The following NELL1 variants were observed in gnomAD, a reference collection of about 807,000 sequenced individuals.
NELL1 encodes the protein protein kinase C-binding protein NELL1.
In NELL1, 76 loss-of-function variants were observed where a neutral mutation model predicts 107.4. That is an observed-to-expected ratio of 0.71 (90% confidence interval 0.59 to 0.86). The LOEUF (loss-of-function observed/expected upper bound fraction) is 0.86, where lower values mean the gene tolerates loss of function less well. Ranked by LOEUF, NELL1 falls within the 40% of genes least tolerant of loss-of-function variation. The probability of loss-of-function intolerance (pLI) is 0.00; values close to 1 mark genes in which losing one functional copy is unlikely to be tolerated. For synonymous variants in NELL1, 353 were observed against 341.2 expected (o/e 1.03, Z -0.38); for missense variants, 1,024 against 1,005.5 (o/e 1.02, Z -0.25).
At chr11:21,272,238 G>A (rs1468832120) in intron 14 of NELL1, among the ~76,000 whole-genome samples, 1 of 152,276 alleles carries the variant, frequency 6.6e-6, no homozygotes, top group African/African-American at 2.4e-5. Flanking sequence ...TTAGCAAATG[G>A]CACACCAGGA....
chr11:21,002,405 G>T (rs1852243099), intron 12 of NELL1, among the ~76,000 whole-genome samples: 1 of 131,724 alleles, frequency 7.6e-6, no homozygotes, highest in South Asian at 2.4e-4. Context: ...CTGTTAGTGG[G>T]GTTGGGCTTG....
At chr11:20,918,340 T>A in intron 6 of NELL1, 86 bp downstream of exon 6, 1 of 796,752 alleles carries the variant, frequency 1.3e-6, no homozygotes, top group Middle Eastern at 2.5e-4. Context: ...AGACCCAAAT[T>A]GTTTACAGTG....
At chr11:21,123,334 CGT>C (rs142012176) in intron 13 of NELL1, among the ~76,000 whole-genome samples, 14,571 of 132,216 alleles carry the variant, frequency 0.11, 905 homozygotes, top group African/African-American at 0.19. Context: ...TGTGTGCCTG[CGT>C]GTGTGTGTGT....
In NELL1 at chr11:21,464,792, C is replaced by G. The variant is rs371086156; in HGVS notation, c.1646-69582C>G. ...CTGAAATTCATTATTAGTCACCATA[C>G]TCTTTTAGTGATGAGATCACATTAG... On this transcript the variant is annotated intron_variant, in intron 15 of 19. Coordinates refer to ENST00000357134, the MANE Select transcript of NELL1 (RefSeq NM_006157.5). Among the ~76,000 whole-genome samples the G allele has an allele frequency of 2.0e-5, 3 of 152,070 alleles. No homozygotes were observed. In the East Asian group the frequency reaches 5.8e-4, roughly 29 times the overall value.
chr11:21,412,354 A>G (rs2133811773), intron 15 of NELL1, among the ~76,000 whole-genome samples: 1 of 152,214 alleles, frequency 6.6e-6, no homozygotes, highest in South Asian at 2.1e-4. Flanking sequence ...AATAGGAGCT[A>G]TAATTTATAA....
At position 21,364,410 on chromosome 11, in the gene NELL1, C is replaced by CAAAAAAAAAA. The variant is rs71034511; in HGVS notation, c.1550-6425_1550-6416dup. Among the ~76,000 whole-genome samples, 83 of 75,620 alleles carry CAAAAAAAAAA rather than the reference C, an allele frequency of 1.1e-3. 1 individual carries two copies. The highest frequency in any genetic ancestry group is 5.5e-3 in the African/African-American group (73 of 13,156). The allele number at this position is 75,620 out of a possible 152,430, so 49.6% of individuals were successfully genotyped here. On this transcript the variant is annotated intron_variant, in intron 14 of 19. Coordinates refer to ENST00000357134, the MANE Select transcript of NELL1 (RefSeq NM_006157.5). ...TGGGAGACACAGCAAGACTCTGTCT[C>CAAAAAAAAAA]AAAAAAAAAAAAAAAAAAAAAAAAA...
At chr11:20,831,835 A>G (rs1190329995) in intron 3 of NELL1, among the ~76,000 whole-genome samples, 1 of 152,236 alleles carries the variant, frequency 6.6e-6, no homozygotes, top group Non-Finnish European at 1.5e-5. Flanking sequence ...CACATGTGAT[A>G]GGAAGGTAAA....
At chr11:21,264,871 T>C (rs1191220221) in intron 14 of NELL1, among the ~76,000 whole-genome samples, 1 of 151,860 alleles carries the variant, frequency 6.6e-6, no homozygotes, top group Non-Finnish European at 1.5e-5. Context: ...TTATCCTATT[T>C]AAAAAGAAAG....
intron 12 of NELL1, among the ~76,000 whole-genome samples, chr11:21,024,009 C>A (rs2134306474): frequency 6.6e-6 from 1 of 152,128 alleles, no homozygotes; most frequent in Admixed American, 6.6e-5. Context: ...AAAATCCTTC[C>A]TTTTGTAAGA....
At position 20,948,763 on chromosome 11, in the gene NELL1, CT is replaced by C. The variant is rs1273667316; in HGVS notation, c.1171+1330del. Among the ~76,000 whole-genome samples the C allele has an allele frequency of 8.0e-5, 6 of 74,746 alleles. No homozygotes were observed. The South Asian group carries it at 2.8e-3, about 35-fold the overall frequency. The allele number at this position is 74,746 out of a possible 152,430, so 49.0% of individuals were successfully genotyped here. On this transcript the variant is annotated intron_variant, in intron 11 of 19. Coordinates refer to ENST00000357134, the MANE Select transcript of NELL1 (RefSeq NM_006157.5). ...GGAGATCCTAGGATTTGTTCAAAAT[CT>C]TAAAAAAAAAAAAAAAAAAAAAACA...
chr11:20,995,477 C>A (rs1017266110), intron 12 of NELL1, among the ~76,000 whole-genome samples: 2 of 152,006 alleles, frequency 1.3e-5, no homozygotes, highest in African/African-American at 4.8e-5. Flanking sequence ...ACTCCGGAGG[C>A]TGAGGCAGGA....
chr11:21,500,269 G>A (rs1486442223), intron 15 of NELL1, among the ~76,000 whole-genome samples: 1 of 151,916 alleles, frequency 6.6e-6, no homozygotes, highest in Non-Finnish European at 1.5e-5. Context: ...CATAGAATTA[G>A]GAATTTCATC....
At chr11:21,461,560 T>A (rs1361991219) in intron 15 of NELL1, among the ~76,000 whole-genome samples, 4 of 152,134 alleles carry the variant, frequency 2.6e-5, no homozygotes, top group Non-Finnish European at 5.9e-5. Context: ...CAATAGCAGC[T>A]GATTTTTATT....
At chr11:20,677,810 A>AAGACTCTCC in intron 1 of NELL1, 122 bp from the exon 2 acceptor site, 1 of 1,125,474 alleles carries the variant, frequency 8.9e-7, no homozygotes, top group Admixed American at 2.0e-5. Flanking sequence ...TCCATAGACA[A>AAGACTCTCC]AGACTCTCCA....
chr11:21,383,087 C>T (rs1851648275), intron 15 of NELL1, among the ~76,000 whole-genome samples: 1 of 152,062 alleles, frequency 6.6e-6, no homozygotes, highest in Non-Finnish European at 1.5e-5. Context: ...AGCCAATAGC[C>T]TAACTCAGAA....
chr11:20,683,760 C>T (rs976293784), intron 2 of NELL1, among the ~76,000 whole-genome samples: 6 of 151,808 alleles, frequency 4.0e-5, no homozygotes, highest in Admixed American at 6.6e-5. Context: ...AATTCTGTGC[C>T]GACAGGTTTT....
At chr11:20,737,842 A>G (rs952697558) in intron 2 of NELL1, among the ~76,000 whole-genome samples, 1 of 151,716 alleles carries the variant, frequency 6.6e-6, no homozygotes, top group Non-Finnish European at 1.5e-5. Flanking sequence ...AAAAAATCAA[A>G]TTTACTGAGA....
chr11:21,534,287 G>A (rs1856072807), intron 15 of NELL1, 87 bp from the exon 16 acceptor site: 4 of 1,471,268 alleles, frequency 2.7e-6, no homozygotes, highest in African/African-American at 2.8e-5. Context: ...TTGATATGTT[G>A]ACATGAGCAT....
At chr11:20,887,917 TCA>T (rs1246646362) in intron 5 of NELL1, among the ~76,000 whole-genome samples, 1 of 152,140 alleles carries the variant, frequency 6.6e-6, no homozygotes, top group African/African-American at 2.4e-5. Flanking sequence ...AAAAAAATGC[TCA>T]GTTAGTCCTC....
Sources: allele counts gnomAD v4.1 joint callset (sites outside exome capture counted in the v4.1 genomes callset), GRCh38; gene constraint gnomAD v4.1.1; transcripts MANE v1.5; gene names NCBI Gene and HGNC (gene_info 2026-07-23, HGNC 2026-07-21).